The following PDK1 variants were observed in gnomAD, a reference collection of about 807,000 sequenced individuals.
PDK1 encodes the protein pyruvate dehydrogenase kinase 1.
Under a neutral mutation model 54.2 loss-of-function variants are expected in PDK1, and 39 were observed. The ratio of observed to expected loss-of-function variants is 0.72; its 90% CI spans 0.56 to 0.94. PDK1 has a LOEUF of 0.94. PDK1 is among the 40% of genes least tolerant of loss of function. PDK1 has a pLI of 0.00. For synonymous variants in PDK1, 221 were observed against 207.1 expected (o/e 1.07, Z -0.58); for missense variants, 552 against 566.0 (o/e 0.98, Z 0.25).
intron 8 of PDK1, among the ~76,000 whole-genome samples, chr2:172,585,606 G>T (rs1174486781): frequency 6.6e-6 from 1 of 151,974 alleles, no homozygotes; most frequent in East Asian, 1.9e-4. Flanking sequence ...GATTACAGGT[G>T]TGCATGTTTA....
At chr2:172,666,813 C>A in the PDK1 span, among the ~76,000 whole-genome samples, 2 of 152,108 alleles carry the variant, frequency 1.3e-5, no homozygotes, top group African/African-American at 2.4e-5. Flanking sequence ...AAATGAAGAA[C>A]AAAGAACAAG....
the PDK1 span, among the ~76,000 whole-genome samples, chr2:172,628,970 A>C: frequency 2.0e-5 from 3 of 152,146 alleles, no homozygotes; most frequent in Admixed American, 1.3e-4. Flanking sequence ...CATAAAAATA[A>C]AAAATAAATT....
the PDK1 span, among the ~76,000 whole-genome samples, chr2:172,704,759 C>T: frequency 2.6e-5 from 4 of 152,292 alleles, no homozygotes; most frequent in Non-Finnish European, 4.4e-5. Context: ...TGTAGACAGA[C>T]GCTCTCCCTC....
At chr2:172,573,837 C>T (rs933978289) in intron 8 of PDK1, among the ~76,000 whole-genome samples, 8 of 152,058 alleles carry the variant, frequency 5.3e-5, no homozygotes, top group Non-Finnish European at 1.0e-4. Context: ...CTATGTTGCC[C>T]AGGCTGGTCT....
At chr2:172,642,856 CCTT>C in the PDK1 span, among the ~76,000 whole-genome samples, 3 of 151,514 alleles carry the variant, frequency 2.0e-5, no homozygotes, top group African/African-American at 7.3e-5. Flanking sequence ...TCCTTCTCCT[CCTT>C]CTCCTCCTCC....
the PDK1 span, among the ~76,000 whole-genome samples, chr2:172,678,114 G>A: frequency 6.6e-6 from 1 of 152,142 alleles, no homozygotes; most frequent in Admixed American, 6.6e-5. Flanking sequence ...AGGTTGCAGT[G>A]AGCCAAGATT....
the PDK1 span, among the ~76,000 whole-genome samples, chr2:172,669,199 A>G: frequency 4.0e-5 from 6 of 151,312 alleles, no homozygotes; most frequent in African/African-American, 1.2e-4. Context: ...AGCTGGGACT[A>G]CAGGCGTCTG....
At chr2:172,570,858 T>C (rs773983837) in intron 8 of PDK1, 34 bp downstream of exon 8, 2 of 1,290,982 alleles carry the variant, frequency 1.5e-6, no homozygotes, top group East Asian at 2.3e-5. Flanking sequence ...TTCTTTTTTT[T>C]TTTTTTGTAA....
chr2:172,564,733 T>C (rs1422778335), intron 4 of PDK1, 46 bp downstream of exon 4: 4 of 1,469,418 alleles, frequency 2.7e-6, no homozygotes, highest in Non-Finnish European at 3.7e-6. Context: ...ATGAGATGTG[T>C]TGGCATATTT....
chr2:172,557,590 C>T (rs1255461831), intron 1 of PDK1, among the ~76,000 whole-genome samples: 2 of 150,406 alleles, frequency 1.3e-5, no homozygotes, highest in Non-Finnish European at 2.9e-5. Context: ...AAGCTTTCCT[C>T]TGCACTTACT....
chr2:172,682,799 G>C, the PDK1 span, among the ~76,000 whole-genome samples: 1 of 152,212 alleles, frequency 6.6e-6, no homozygotes, highest in East Asian at 1.9e-4. Flanking sequence ...TAATGGGGAG[G>C]CTGTTGTAAT....
chr2:172,614,422 G>T, the PDK1 span, among the ~76,000 whole-genome samples: 1 of 152,168 alleles, frequency 6.6e-6, no homozygotes, highest in Non-Finnish European at 1.5e-5. Context: ...TAAAAGCCCT[G>T]GGCTCAGCCA....
At chr2:172,621,697 A>G in the PDK1 span, among the ~76,000 whole-genome samples, 315 of 146,610 alleles carry the variant, frequency 2.1e-3, 5 homozygotes, top group African/African-American at 7.5e-3. Flanking sequence ...TATCATATAT[A>G]TGTTTATATA....
At chr2:172,663,691 G>T in the PDK1 span, among the ~76,000 whole-genome samples, 1 of 152,122 alleles carries the variant, frequency 6.6e-6, no homozygotes, top group East Asian at 1.9e-4. Flanking sequence ...TGGCCCCTCC[G>T]CTTCTTGGGT....
the PDK1 span, among the ~76,000 whole-genome samples, chr2:172,622,531 TATGTGAGATATGTTTATATC>T: frequency 2.7e-5 from 4 of 147,836 alleles, no homozygotes; most frequent in Admixed American, 6.8e-5. Flanking sequence ...TATCATATAT[TATGTGAGATATGTTTATATC>T]ATGTGAGATA....
In PDK1 at chr2:172,604,407, T is replaced by A. The variant is rs1186654864; in HGVS notation, c.*8438T>A. 4 of 152,388 alleles carry A rather than the reference T, an allele frequency of 2.6e-5. No individual in the cohort carries two copies. In the East Asian group the frequency reaches 7.7e-4, roughly 29 times the overall value. 9.4% of individuals were successfully genotyped at this position (152,388 alleles called of 1,614,324 possible). ...GATTGCCTTTGATTTCTTTCATTGT[T>A]ACTTTGTAGTTTTCAGCTTACAGAT... On this transcript the variant is annotated 3_prime_UTR_variant, in exon 11 of 11. Transcript: ENST00000282077.
chr2:172,700,597 G>A, the PDK1 span, among the ~76,000 whole-genome samples: 14 of 152,238 alleles, frequency 9.2e-5, no homozygotes, highest in African/African-American at 3.4e-4. Flanking sequence ...CTTCTTAGAC[G>A]GGGTGGCGGC....
the PDK1 span, among the ~76,000 whole-genome samples, chr2:172,621,520 A>G: frequency 1.3e-5 from 2 of 148,656 alleles, no homozygotes; most frequent in African/African-American, 4.9e-5. Flanking sequence ...AATACTTAAT[A>G]AACTCTTCTT....
At chr2:172,643,522 A>T in the PDK1 span, among the ~76,000 whole-genome samples, 5 of 152,032 alleles carry the variant, frequency 3.3e-5, no homozygotes, top group Admixed American at 6.6e-5. Flanking sequence ...CTGCCCAAAT[A>T]CCCAGAATGC....
Sources: allele counts gnomAD v4.1 joint callset (sites outside exome capture counted in the v4.1 genomes callset), GRCh38; gene constraint gnomAD v4.1.1; transcripts MANE v1.5; gene names NCBI Gene and HGNC (gene_info 2026-07-23, HGNC 2026-07-21).